TIAM1: variants seen among roughly 807,000 people sequenced by gnomAD.
TIAM1 encodes the protein TIAM Rac1 associated GEF 1, also known as rho guanine nucleotide exchange factor TIAM1.
Under a neutral mutation model 163.5 loss-of-function variants are expected in TIAM1, and 65 were observed. The ratio of observed to expected loss-of-function variants is 0.40; its 90% CI spans 0.33 to 0.49. The LOEUF (loss-of-function observed/expected upper bound fraction) is 0.49, where lower values mean the gene tolerates loss of function less well. Among genes scored for constraint, TIAM1 ranks in the 20% least tolerant of loss-of-function variants. The probability of loss-of-function intolerance (pLI) is 0.77; values close to 1 mark genes in which losing one functional copy is unlikely to be tolerated. For missense variants in TIAM1, 1,789 were observed against 2,044.7 expected, an observed-to-expected ratio of 0.87 and a Z score of 2.41; for synonymous variants, 833 against 810.1, an observed-to-expected ratio of 1.03 and a Z score of -0.48.
At chr21:31,349,520 T>A (rs963087373) in intron 2 of TIAM1, among the ~76,000 whole-genome samples, 3 of 152,200 alleles carry the variant, frequency 2.0e-5, no homozygotes, top group African/African-American at 7.2e-5. Context: ...TTTTTCCTAG[T>A]TTGGGACCTT....
intron 2 of TIAM1, among the ~76,000 whole-genome samples, chr21:31,281,207 T>A (rs1260562200): frequency 6.6e-6 from 1 of 152,088 alleles, no homozygotes; most frequent in Non-Finnish European, 1.5e-5. Context: ...CTGTATTGTA[T>A]TTGCCCTCAA....
intron 15 of TIAM1, among the ~76,000 whole-genome samples, chr21:31,165,382 G>A (rs2084160770): frequency 6.6e-6 from 1 of 152,182 alleles, no homozygotes; most frequent in Admixed American, 6.5e-5. Flanking sequence ...GGATGTTTGG[G>A]AAGTAATTAA....
At chr21:31,221,040 C>T (rs1336277733) in intron 8 of TIAM1, among the ~76,000 whole-genome samples, 1 of 152,000 alleles carries the variant, frequency 6.6e-6, no homozygotes, top group Non-Finnish European at 1.5e-5. Context: ...TCCTCCCCCA[C>T]TAAAAAGAAG....
intron 3 of TIAM1, among the ~76,000 whole-genome samples, chr21:31,272,744 G>A (rs1261625850): frequency 6.6e-6 from 1 of 152,102 alleles, no homozygotes; most frequent in Non-Finnish European, 1.5e-5. Flanking sequence ...AAATATAGTT[G>A]AATCCCCTTT....
At chr21:31,210,361 G>GGA in intron 10 of TIAM1, 146 bp from the exon 11 acceptor site, 1 of 783,226 alleles carries the variant, frequency 1.3e-6, no homozygotes, top group Non-Finnish European at 2.0e-6. Flanking sequence ...GGGAACCCTT[G>GGA]GAGAGAGAGA....
chr21:31,203,674 G>T (rs2086316753), intron 11 of TIAM1, among the ~76,000 whole-genome samples: 2 of 152,212 alleles, frequency 1.3e-5, no homozygotes, highest in African/African-American at 4.8e-5. Context: ...TAACTTCATA[G>T]ATAGGTGATT....
chr21:31,120,298 G>C lies in TIAM1; in HGVS notation c.*70C>G. ...GACCTAAGGGGACATTCTTGTCGAC[G>C]GTACAGGAGGGTGGGCAGAGTTAGG... On this transcript the variant is annotated 3_prime_UTR_variant, in exon 28 of 28. Coordinates refer to ENST00000541036, the MANE Select transcript of TIAM1 (RefSeq NM_001353694.2). The surrounding 1 kb of genome is among the most constrained non-coding windows in gnomAD (Gnocchi z 4.2). 1 of 1,441,566 alleles carries C rather than the reference G, an allele frequency of 6.9e-7. No individual in the cohort carries two copies. Among genetic ancestry groups the C allele is most frequent in the Non-Finnish European group, 9.3e-7 (1 of 1,071,162 alleles). The allele number at this position is 1,441,566 out of a possible 1,614,324, so 89.3% of individuals were successfully genotyped here.
chr21:31,255,673 G>A (rs1159335734), intron 4 of TIAM1, among the ~76,000 whole-genome samples: 1 of 152,214 alleles, frequency 6.6e-6, no homozygotes, highest in Non-Finnish European at 1.5e-5. Flanking sequence ...TTACCTCTTA[G>A]AGTCAAATAC....
intron 2 of TIAM1, among the ~76,000 whole-genome samples, chr21:31,325,433 C>T (rs1208424475): frequency 1.3e-5 from 2 of 152,028 alleles, no homozygotes; most frequent in African/African-American, 4.8e-5. Flanking sequence ...TTTGGGATGC[C>T]GAGGCAGGTG....
chr21:31,495,326 T>C (rs2105489), intron 1 of TIAM1, among the ~76,000 whole-genome samples: 91,525 of 152,002 alleles, frequency 0.6, 28,001 homozygotes, highest in East Asian at 0.85. Context: ...GATTCAGTTG[T>C]CTGGGGAGAA....
chr21:31,302,421 T>C (rs979654625), intron 2 of TIAM1, among the ~76,000 whole-genome samples: 5 of 152,206 alleles, frequency 3.3e-5, no homozygotes, highest in Non-Finnish European at 7.3e-5. Context: ...AACACATTAA[T>C]GCTGTATTAA....
intron 1 of TIAM1, among the ~76,000 whole-genome samples, chr21:31,496,478 A>G (rs2147434907): frequency 6.6e-6 from 1 of 151,986 alleles, no homozygotes; most frequent in East Asian, 1.9e-4. Flanking sequence ...AAAAAAAAAA[A>G]AAAAATGGAA....
chr21:31,487,898 G>A (rs376663903), intron 1 of TIAM1, among the ~76,000 whole-genome samples: 1 of 151,572 alleles, frequency 6.6e-6, no homozygotes, highest in Non-Finnish European at 1.5e-5. Context: ...CGCCATGTTG[G>A]CCAGGCTGGT....
chr21:31,237,077 T>C (rs2070932929), intron 6 of TIAM1, among the ~76,000 whole-genome samples: 1 of 152,162 alleles, frequency 6.6e-6, no homozygotes, highest in Non-Finnish European at 1.5e-5. Context: ...TTTCTAGGAC[T>C]TAGGGCTGAC....
chr21:31,322,448 TG>T lies in TIAM1; in HGVS notation c.-189+16794del, dbSNP rs386394590. On this transcript the variant is annotated intron_variant, in intron 2 of 27. Transcript: ENST00000541036. ...GTCCTACTCACGATACCTCTATGGGTGGGGGGGGGTGCCATCATCTGCCATC... is the reference window on the plus strand; with the variant it reads ...GTCCTACTCACGATACCTCTATGGGTGGGGGGGGTGCCATCATCTGCCATC... Among the ~76,000 whole-genome samples the T allele has an allele frequency of 7.3e-3, 1,000 of 136,618 alleles. 20 individuals are homozygous for T. Among genetic ancestry groups the T allele is most frequent in the African/African-American group, 0.026 (929 of 36,428 alleles). The allele number at this position is 136,618 out of a possible 152,430, so 89.6% of individuals were successfully genotyped here.
At chr21:31,161,935 A>C (rs1017149689) in intron 16 of TIAM1, among the ~76,000 whole-genome samples, 9 of 152,236 alleles carry the variant, frequency 5.9e-5, no homozygotes, top group African/African-American at 1.9e-4. Context: ...TTTAAATCAT[A>C]AAAAGAGACA....
intron 2 of TIAM1, among the ~76,000 whole-genome samples, chr21:31,282,365 C>T (rs1036991618): frequency 1.3e-5 from 2 of 152,218 alleles, no homozygotes; most frequent in African/African-American, 4.8e-5. Flanking sequence ...CAGCAGCAAG[C>T]AGCCGTCTTG....
At chr21:31,246,832 A>AT (rs2071527081) in intron 5 of TIAM1, among the ~76,000 whole-genome samples, 1 of 151,664 alleles carries the variant, frequency 6.6e-6, no homozygotes, top group African/African-American at 2.4e-5. Context: ...CTTATTTCAC[A>AT]TTTTTTTTCT....
chr21:31,213,954 A>C (rs2087027211), intron 9 of TIAM1, among the ~76,000 whole-genome samples: 1 of 151,788 alleles, frequency 6.6e-6, no homozygotes, highest in Non-Finnish European at 1.5e-5. Flanking sequence ...AGGCTAAGGC[A>C]GGAGGATCAC....
Sources: allele counts gnomAD v4.1 joint callset (sites outside exome capture counted in the v4.1 genomes callset), GRCh38; gene constraint gnomAD v4.1.1; non-coding constraint Gnocchi (gnomAD v3.1); transcripts MANE v1.5; gene names NCBI Gene and HGNC (gene_info 2026-07-23, HGNC 2026-07-21).